Variants in LPP observed in about 807,000 individuals in gnomAD.
LPP encodes the protein lipoma-preferred partner.
A neutral mutation model predicts 60.4 loss-of-function variants in LPP; 38 were observed. The observed-to-expected ratio is 0.63, with a 90% confidence interval of 0.49 to 0.83. The LOEUF is 0.83. Ranked by LOEUF, LPP falls within the 40% of genes least tolerant of loss-of-function variation. The pLI, the probability that LPP is intolerant of heterozygous loss-of-function variation, is 0.00. For synonymous variants in LPP, 328 were observed against 290.8 expected, an observed-to-expected ratio of 1.13 and a Z score of -1.30; for missense variants, 902 against 783.6, an observed-to-expected ratio of 1.15 and a Z score of -1.80.
intron 5 of LPP, among the ~76,000 whole-genome samples, chr3:188,511,791 G>A (rs1815753035): frequency 6.6e-6 from 1 of 152,104 alleles, no homozygotes; most frequent in Non-Finnish European, 1.5e-5. Flanking sequence ...CTAAACCTGA[G>A]CACTTCTCTG....
chr3:188,280,235 G>A (rs1336378108), intron 2 of LPP, among the ~76,000 whole-genome samples: 1 of 152,192 alleles, frequency 6.6e-6, no homozygotes, highest in Admixed American at 6.5e-5. Context: ...TAATGGCCCA[G>A]ATGAAAGGAG....
chr3:188,651,522 C>T (rs1409283415), intron 7 of LPP, among the ~76,000 whole-genome samples: 1 of 152,200 alleles, frequency 6.6e-6, no homozygotes, highest in Non-Finnish European at 1.5e-5. Flanking sequence ...AGTCCGTTTT[C>T]ACGCTGCTGA....
intron 7 of LPP, among the ~76,000 whole-genome samples, chr3:188,702,204 C>G (rs1389683523): frequency 1.3e-5 from 2 of 152,060 alleles, no homozygotes; most frequent in Non-Finnish European, 2.9e-5. Context: ...GATCCGCCTC[C>G]CTCAGCCTCC....
chr3:188,838,991 T>C (rs1471479337), intron 9 of LPP, among the ~76,000 whole-genome samples: 1 of 152,168 alleles, frequency 6.6e-6, no homozygotes, highest in African/African-American at 2.4e-5. Flanking sequence ...AACAAACCTG[T>C]ACATTCTGCA....
chr3:188,760,599 T>C (rs1422076643), intron 9 of LPP, among the ~76,000 whole-genome samples: 1 of 152,180 alleles, frequency 6.6e-6, no homozygotes, highest in Non-Finnish European at 1.5e-5. Flanking sequence ...GCTAAAATTT[T>C]CTTTCTTAAA....
intron 5 of LPP, among the ~76,000 whole-genome samples, chr3:188,512,176 T>C (rs1815889922): frequency 6.6e-6 from 1 of 152,240 alleles, no homozygotes; most frequent in Admixed American, 6.5e-5. Flanking sequence ...CAACTATAAA[T>C]GATTCTCTTG....
intron 5 of LPP, among the ~76,000 whole-genome samples, chr3:188,519,416 C>A (rs147371742): frequency 7.9e-4 from 120 of 152,122 alleles, no homozygotes; most frequent in African/African-American, 2.8e-3. Context: ...TTATAAAAAT[C>A]AAAAATCAGC....
At chr3:188,833,041 A>C (rs1413147983) in intron 9 of LPP, among the ~76,000 whole-genome samples, 1 of 152,252 alleles carries the variant, frequency 6.6e-6, no homozygotes, top group Admixed American at 6.5e-5. Flanking sequence ...CCTGCTCTGC[A>C]TGCTTGCTTC....
chr3:188,855,301 T>C (rs1416572245), intron 9 of LPP, among the ~76,000 whole-genome samples: 1 of 152,234 alleles, frequency 6.6e-6, no homozygotes, highest in Non-Finnish European at 1.5e-5. Context: ...ACTTACTGAT[T>C]GCCTGTTATG....
At chr3:188,305,681 T>A (rs190091328) in intron 2 of LPP, among the ~76,000 whole-genome samples, 2 of 152,310 alleles carry the variant, frequency 1.3e-5, no homozygotes, top group East Asian at 3.9e-4. Context: ...ACTGCCTTTA[T>A]GTAAGATTAA....
At chr3:188,596,716 C>G (rs1219026693) in intron 6 of LPP, among the ~76,000 whole-genome samples, 1 of 152,042 alleles carries the variant, frequency 6.6e-6, no homozygotes, top group Non-Finnish European at 1.5e-5. Context: ...TTTGATAGGT[C>G]TTAGAAAATT....
At chr3:188,204,443 A>T (rs148739308) in intron 1 of LPP, among the ~76,000 whole-genome samples, 1 of 152,236 alleles carries the variant, frequency 6.6e-6, no homozygotes, top group South Asian at 2.1e-4. Context: ...GAATCTTGCA[A>T]TTGGAGTAGC....
intron 7 of LPP, among the ~76,000 whole-genome samples, chr3:188,655,918 G>A (rs1254860650): frequency 3.9e-5 from 6 of 151,942 alleles, no homozygotes; most frequent in Non-Finnish European, 7.4e-5. Flanking sequence ...GGCCAGTTGC[G>A]GTGGCTCACA....
At chr3:188,810,742 C>T (rs2151304491) in intron 9 of LPP, among the ~76,000 whole-genome samples, 1 of 152,214 alleles carries the variant, frequency 6.6e-6, no homozygotes, top group Non-Finnish European at 1.5e-5. Context: ...AGCCTCAGTT[C>T]TCTATGGATT....
intron 9 of LPP, among the ~76,000 whole-genome samples, chr3:188,859,780 T>A (rs2151935883): frequency 6.6e-6 from 1 of 152,316 alleles, no homozygotes; most frequent in African/African-American, 2.4e-5. Flanking sequence ...CAGTTCTGTG[T>A]TTCATAGCTG....
chr3:188,737,111 CT>C (rs1444050656), intron 8 of LPP, among the ~76,000 whole-genome samples: 2 of 142,686 alleles, frequency 1.4e-5, no homozygotes, highest in South Asian at 4.3e-4. Context: ...ATTTTCCCCC[CT>C]AATTTTCCTT....
At chr3:188,755,275 T>G (rs1729761356) in intron 8 of LPP, among the ~76,000 whole-genome samples, 11 of 152,100 alleles carry the variant, frequency 7.2e-5, no homozygotes, top group Admixed American at 7.2e-4. Context: ...TACTTTACAT[T>G]TGATGGTGAA....
chr3:188,729,532 C>T (rs1436232297), intron 8 of LPP, among the ~76,000 whole-genome samples: 3 of 152,122 alleles, frequency 2.0e-5, no homozygotes, highest in Non-Finnish European at 4.4e-5. Context: ...ATTTAAAGTG[C>T]TTGTGGGATA....
intron 2 of LPP, among the ~76,000 whole-genome samples, chr3:188,279,675 G>A (rs1741246796): frequency 6.6e-6 from 1 of 152,210 alleles, no homozygotes; most frequent in South Asian, 2.1e-4. Flanking sequence ...TAATTAGCAG[G>A]CTTGATTATC....
Sources: allele counts gnomAD v4.1 joint callset (sites outside exome capture counted in the v4.1 genomes callset), GRCh38; gene constraint gnomAD v4.1.1; transcripts MANE v1.5; gene names NCBI Gene and HGNC (gene_info 2026-07-23, HGNC 2026-07-21).